The following EPM2A variants were observed in gnomAD, a reference collection of about 807,000 sequenced individuals.
EPM2A encodes the protein laforin.
Under a neutral mutation model 26.5 loss-of-function variants are expected in EPM2A, and 21 were observed. That is an observed-to-expected ratio of 0.79 (90% CI 0.56 to 1.14). The LOEUF is 1.14. Ranked by LOEUF, EPM2A falls within the 50% of genes most tolerant of loss-of-function variation. The probability of loss-of-function intolerance (pLI) is 0.00; values close to 1 mark genes in which losing one functional copy is unlikely to be tolerated. For missense variants in EPM2A, 458 were observed against 440.8 expected, an observed-to-expected ratio of 1.04 and a Z score of -0.35; for synonymous variants, 217 against 177.6, an observed-to-expected ratio of 1.22 and a Z score of -1.76.
chr6:145,707,650 G>A (rs1782298437), intron 1 of EPM2A, among the ~76,000 whole-genome samples: 2 of 152,132 alleles, frequency 1.3e-5, no homozygotes, highest in Admixed American at 6.5e-5. Context: ...ACGTGATTTT[G>A]CCCTTCTTTT....
rs554632640 is a variant in EPM2A at position 145,722,573 on chromosome 6, A to C, written c.301+12625T>G. On this transcript the variant is annotated intron_variant, in intron 1 of 3. Transcript: ENST00000367519. ...TAATGTGGTATGGAAGGGAATACTAAATCATAACCCGAAATGTTAGAATAA... is the reference window on the plus strand; with the variant it reads ...TAATGTGGTATGGAAGGGAATACTACATCATAACCCGAAATGTTAGAATAA... Among the ~76,000 whole-genome samples, 12 of 152,300 alleles carry C rather than the reference A, an allele frequency of 7.9e-5. No homozygotes were observed. In the South Asian group the frequency reaches 1.4e-3, roughly 18 times the overall value.
At chr6:145,528,058 C>T (rs1780303252) in intron 2 of EPM2A, among the ~76,000 whole-genome samples, 1 of 152,072 alleles carries the variant, frequency 6.6e-6, no homozygotes, top group East Asian at 1.9e-4. Context: ...TAATCCAGAG[C>T]AAGACTGTCT....
chr6:145,729,083 A>G (rs1317389400), intron 1 of EPM2A, among the ~76,000 whole-genome samples: 1 of 152,254 alleles, frequency 6.6e-6, no homozygotes, highest in Non-Finnish European at 1.5e-5. Flanking sequence ...TAAGCCAGCT[A>G]GTGCACAGAG....
intron 1 of EPM2A, among the ~76,000 whole-genome samples, chr6:145,718,032 G>A (rs1490306736): frequency 6.6e-6 from 1 of 151,422 alleles, no homozygotes; most frequent in Non-Finnish European, 1.5e-5. Context: ...TCGTGAAAAT[G>A]GCCATACTGC....
intron 2 of EPM2A, among the ~76,000 whole-genome samples, chr6:145,578,489 T>C (rs545169573): frequency 1.3e-5 from 2 of 152,168 alleles, no homozygotes; most frequent in Non-Finnish European, 2.9e-5. Context: ...GATTGAACCA[T>C]GAAGAAATAG....
intron 2 of EPM2A, among the ~76,000 whole-genome samples, chr6:145,587,091 C>A (rs1435664885): frequency 6.6e-6 from 1 of 152,134 alleles, no homozygotes; most frequent in African/African-American, 2.4e-5. Context: ...TCATTCCATT[C>A]ACTGTTCCTC....
chr6:145,422,293 G>A lies in EPM2A; in HGVS notation c.556-38196C>T, dbSNP rs151037957. ...TTATAGATTTGTATAATTATATTGT[G>A]TATATAAATATATATATTTTTGTGT... On this transcript the variant is annotated intron_variant, in intron 4 of 4. Transcript: ENST00000638717. Among the ~76,000 whole-genome samples the A allele has an allele frequency of 4.7e-3, 693 of 146,346 alleles. 25 individuals carry two copies. In the East Asian group the frequency reaches 0.1, roughly 22 times the overall value.
rs117229000 is a variant in EPM2A at position 145,643,162 on chromosome 6, T to G, written c.477-7676A>C. Among the ~76,000 whole-genome samples, 628 of 152,256 alleles carry G rather than the reference T, an allele frequency of 4.1e-3. 18 individuals carry two copies. The East Asian group carries it at 0.07, about 17-fold the overall frequency. On this transcript the variant is annotated intron_variant, in intron 2 of 3. Coordinates refer to ENST00000367519, the MANE Select transcript of EPM2A (RefSeq NM_005670.4). ...GCAATAGTTGAGGAAAAGAGAAGAT[T>G]TAAACATGACCCCAAGGTTACTAAA...
At chr6:145,383,909 T>TA (rs1192154771) in exon 5 of EPM2A, 1 of 152,214 alleles carries the variant, frequency 6.6e-6, no homozygotes, top group Non-Finnish European at 1.5e-5. Context: ...CTTTAACATA[T>TA]AGATCTGTTA....
chr6:145,532,684 T>A (rs1780374975), intron 2 of EPM2A, among the ~76,000 whole-genome samples: 1 of 152,172 alleles, frequency 6.6e-6, no homozygotes, highest in African/African-American at 2.4e-5. Context: ...ATAATATCTG[T>A]GTCAGTGTAC....
intron 4 of EPM2A, among the ~76,000 whole-genome samples, chr6:145,386,875 G>A (rs1333240926): frequency 6.6e-6 from 1 of 152,084 alleles, no homozygotes; most frequent in East Asian, 1.9e-4. Flanking sequence ...ACTCTTTTGG[G>A]TGCCAGTAAC....
At chr6:145,557,338 G>A (rs561553740) in intron 2 of EPM2A, among the ~76,000 whole-genome samples, 3 of 151,984 alleles carry the variant, frequency 2.0e-5, no homozygotes, top group South Asian at 2.1e-4. Flanking sequence ...TAAAAGACCA[G>A]ACCACCACTA....
intron 2 of EPM2A, among the ~76,000 whole-genome samples, chr6:145,540,500 A>T (rs572698454): frequency 5.9e-5 from 9 of 151,916 alleles, no homozygotes; most frequent in Non-Finnish European, 1.2e-4. Flanking sequence ...ACCTCAACAA[A>T]TTTTTTTCAT....
rs149392432 is a variant in EPM2A at position 145,506,274 on chromosome 6, T to C, written c.341-3699A>G. On this transcript the variant is annotated intron_variant, in intron 2 of 3. Transcript: ENST00000450221. The stretch of plus-strand genomic sequence containing the variant: ...GGAAATCTAATCAGTGATGTTGACA[T>C]ATAAATTATTACATAACCTTTGCAA... Among the ~76,000 whole-genome samples, 230 of 152,334 alleles carry C rather than the reference T, an allele frequency of 1.5e-3. 2 individuals are homozygous for C. In the East Asian group the frequency reaches 0.03, roughly 20 times the overall value.
At chr6:145,580,520 C>CT (rs1242465024) in intron 2 of EPM2A, among the ~76,000 whole-genome samples, 1 of 151,952 alleles carries the variant, frequency 6.6e-6, no homozygotes, top group Non-Finnish European at 1.5e-5. Flanking sequence ...TATTTATTTA[C>CT]TTTTTTAACT....
intron 1 of EPM2A, among the ~76,000 whole-genome samples, chr6:145,697,561 TG>T (rs2128622830): frequency 6.6e-6 from 1 of 152,182 alleles, no homozygotes; most frequent in African/African-American, 2.4e-5. Flanking sequence ...TATGGGAGAC[TG>T]GGGTTTATTT....
downstream of EPM2A, among the ~76,000 whole-genome samples, chr6:145,622,895 A>G (rs371826231): frequency 6.6e-6 from 1 of 152,230 alleles, no homozygotes; most frequent in African/African-American, 2.4e-5. Flanking sequence ...TGGGTGGTTC[A>G]TTAAGAGCTT....
rs151119058 is a variant in EPM2A, at chr6:145,669,097, T to A, written c.476+17025A>T. On this transcript the variant is annotated intron_variant, in intron 2 of 3. Transcript: ENST00000367519. ...TGAATCAAGCTGATATTTTCATCAC[T>A]ATTGACTCATTTATCAGGAACAATA... Among the ~76,000 whole-genome samples the A allele has an allele frequency of 1.5e-3, 229 of 152,306 alleles. 1 individual carries two copies. Among genetic ancestry groups the A allele is most frequent in the African/African-American group, 5.3e-3 (219 of 41,574 alleles).
At chr6:145,597,163 G>A (rs1781357484) in intron 2 of EPM2A, among the ~76,000 whole-genome samples, 1 of 151,438 alleles carries the variant, frequency 6.6e-6, no homozygotes, top group Non-Finnish European at 1.5e-5. Flanking sequence ...CAAAGTGCTG[G>A]GATTACAGGC....
Sources: allele counts gnomAD v4.1 joint callset (sites outside exome capture counted in the v4.1 genomes callset), GRCh38; gene constraint gnomAD v4.1.1; transcripts MANE v1.5; gene names NCBI Gene and HGNC (gene_info 2026-07-23, HGNC 2026-07-21).